SEC14L1: variants seen among roughly 807,000 people sequenced by gnomAD.
SEC14L1 encodes the protein SEC14-like protein 1.
Under a neutral mutation model 85.3 loss-of-function variants are expected in SEC14L1, and 48 were observed. The ratio of observed to expected loss-of-function variants is 0.56; its 90% CI spans 0.45 to 0.72. The LOEUF (loss-of-function observed/expected upper bound fraction) is 0.72. Among genes scored for constraint, SEC14L1 ranks in the 30% least tolerant of loss-of-function variants. The pLI, the probability that SEC14L1 is intolerant of heterozygous loss-of-function variation, is 0.00. For missense variants in SEC14L1, 682 were observed against 921.4 expected, an observed-to-expected ratio of 0.74 and a Z score of 3.36; for synonymous variants, 391 against 355.5, an observed-to-expected ratio of 1.10 and a Z score of -1.12.
Position 77,206,428 on chromosome 17 carries a change from T to C in SEC14L1, c.1341+28T>C, listed in dbSNP as rs142575724. 9.7e-5 allele frequency: 156 copies of C among 1,601,496 alleles called. No homozygotes were observed. The East Asian group carries it at 3.4e-3, about 35-fold the overall frequency. ...GGGTTGAGATGCTTTTTGCAGTAAC[T>C]GTGAGCCATTTGGAAAGCAGATAAC... On this transcript the variant is annotated intron_variant, in intron 12 of 16. Coordinates refer to ENST00000436233, the MANE Select transcript of SEC14L1 (RefSeq NM_001143998.2). The surrounding 1 kb of genome is among the most constrained non-coding windows in gnomAD (Gnocchi z 4.3).
At chr17:77,132,851 CT>C (rs10711985) in intron 3 of SEC14L1, among the ~76,000 whole-genome samples, 84,095 of 145,610 alleles carry the variant, frequency 0.58, 24,310 homozygotes, top group Middle Eastern at 0.67. Context: ...CCCAATCCTC[CT>C]TTTTTTTTTT....
At chr17:77,116,161 C>T (rs1972168276) in intron 3 of SEC14L1, among the ~76,000 whole-genome samples, 1 of 152,126 alleles carries the variant, frequency 6.6e-6, no homozygotes, top group Non-Finnish European at 1.5e-5. Context: ...CTCAAGCATT[C>T]CTCCTGCCTC....
At chr17:77,208,916 A>C (rs143884134) in intron 13 of SEC14L1, among the ~76,000 whole-genome samples, 1 of 152,370 alleles carries the variant, frequency 6.6e-6, no homozygotes, top group East Asian at 1.9e-4. Flanking sequence ...GACAGAAAAC[A>C]TTATTCATTG....
At chr17:77,203,474 A>G (rs1976286770) in intron 9 of SEC14L1, 96 bp from the exon 10 acceptor site, 1 of 1,068,716 alleles carries the variant, frequency 9.4e-7, no homozygotes, top group Non-Finnish European at 1.4e-6. Flanking sequence ...CCCCTAGAAC[A>G]CAGGCGAACA....
intron 3 of SEC14L1, among the ~76,000 whole-genome samples, chr17:77,161,000 A>ATC (rs1974030762): frequency 6.6e-6 from 1 of 152,234 alleles, no homozygotes; most frequent in Non-Finnish European, 1.5e-5. Flanking sequence ...GTAGTGAGTC[A>ATC]TCAGACAGCT....
At chr17:77,208,253 G>A (rs1180556328) in intron 13 of SEC14L1, among the ~76,000 whole-genome samples, 1 of 152,188 alleles carries the variant, frequency 6.6e-6, no homozygotes, top group East Asian at 1.9e-4. Context: ...CAAAGAGCAA[G>A]TAAGTTACAG....
rs761831800 is a variant in SEC14L1 at position 77,204,406 on chromosome 17, G to A, written c.1098+748G>A. On this transcript the variant is annotated intron_variant, in intron 10 of 16. Transcript: ENST00000436233. ...CTAATTTTTTCATATTTTTACTAGA[G>A]ACGGGGTTTCACCATGTTGGTCAGG... Among the ~76,000 whole-genome samples the A allele has an allele frequency of 2.6e-5, 4 of 151,278 alleles. No individual in the cohort carries two copies. The East Asian group carries it at 7.8e-4, about 29-fold the overall frequency.
Position 77,211,994 on chromosome 17 carries a change from T to C in SEC14L1, c.1656T>C (p.Asp552=). Residue 552 remains aspartate (D), a synonymous_variant, in exon 15 of 17, where the codon GAT becomes GAC. Transcript: ENST00000436233. ...ATGCCTCGTCAGTCATCACTTGGGATTTCGACGTGTGCAAAGGGGACATTG... is the reference window on the plus strand; with the variant it reads ...ATGCCTCGTCAGTCATCACTTGGGACTTCGACGTGTGCAAAGGGGACATTG... ...IVDASSVITW[D]FDVCKGDIVF... is the part of the protein sequence containing the mutation. 1 of 1,614,106 alleles carries C rather than the reference T, an allele frequency of 6.2e-7. No homozygotes were observed. The highest frequency in any genetic ancestry group is 8.5e-7 in the Non-Finnish European group (1 of 1,180,024).
upstream of SEC14L1, among the ~76,000 whole-genome samples, chr17:77,136,489 C>A (rs894983569): frequency 6.6e-6 from 1 of 152,104 alleles, no homozygotes; most frequent in Non-Finnish European, 1.5e-5. Context: ...ATTATACATC[C>A]TTTGCTTCTT....
intron 3 of SEC14L1, among the ~76,000 whole-genome samples, chr17:77,161,735 T>TC (rs1974064104): frequency 6.8e-6 from 1 of 147,490 alleles, no homozygotes; most frequent in Admixed American, 6.8e-5. Context: ...TTTTTTTTTT[T>TC]TAAACAACCA....
chr17:77,214,888 C>G lies in SEC14L1; in HGVS notation c.*865C>G. The stretch of plus-strand genomic sequence containing the variant: ...TCTGGTGGCTCATTGTCCTCAGAGC[C>G]CAGACAGTTCCAGCCACTAGGAGGC... On this transcript the variant is annotated 3_prime_UTR_variant, in exon 17 of 17. Coordinates refer to ENST00000436233, the MANE Select transcript of SEC14L1 (RefSeq NM_001143998.2). 1.0e-6 allele frequency: 1 copy of G among 985,418 alleles called. No homozygotes were observed. The highest frequency in any genetic ancestry group is 1.7e-5 in the African/African-American group (1 of 57,334). The allele number at this position is 985,418 out of a possible 1,614,324, so 61.0% of individuals were successfully genotyped here. A position where few individuals can be genotyped will look rare whatever the true frequency, so the allele number is the denominator to read the frequency against.
exon 2 of SEC14L1, chr17:77,089,178 C>G (rs2247814): frequency 0.53 from 175,366 of 329,448 alleles, 48,458 homozygotes; most frequent in African/African-American, 0.74. Context: ...GAGAAATATC[C>G]CCCGACGATT....
intron 3 of SEC14L1, among the ~76,000 whole-genome samples, chr17:77,123,962 CTG>C (rs1225383983): frequency 2.0e-5 from 3 of 152,190 alleles, no homozygotes; most frequent in African/African-American, 7.2e-5. Flanking sequence ...ATTATGCTTG[CTG>C]TGTTTCGAAG....
rs1311245849 is a variant in SEC14L1, at chr17:77,154,640, TTTTTTTGG to T, written c.63+10988_63+10995del. Among the ~76,000 whole-genome samples the T allele has an allele frequency of 2.0e-5, 3 of 151,154 alleles. No individual in the cohort carries two copies. The South Asian group carries it at 6.3e-4, about 32-fold the overall frequency. On this transcript the variant is annotated intron_variant, in intron 3 of 16. Transcript: ENST00000436233. ...CTGGCCCCTTCTGGTTTTTTTTGTT[TTTTTTTGG>T]TTTTTTTTTAAGAAAAGTCTGTCTC...
intron 15 of SEC14L1, 131 bp downstream of exon 15, chr17:77,212,332 C>A: frequency 1.5e-6 from 2 of 1,334,284 alleles, no homozygotes; most frequent in Non-Finnish European, 2.0e-6. Flanking sequence ...TGTGGAGGAG[C>A]AGCTTGCCTG....
intron 3 of SEC14L1, among the ~76,000 whole-genome samples, chr17:77,126,628 T>C (rs754669839): frequency 7.2e-5 from 11 of 152,308 alleles, no homozygotes; most frequent in African/African-American, 2.6e-4. Context: ...GAGTGTGCCA[T>C]GTGAGCCAGG....
At position 77,209,337 on chromosome 17, in the gene SEC14L1, T is replaced by C; in HGVS notation, c.1477-5T>C. ...CAGGTTTCACTGCTGTGTTTCTTCT[T>C]CCAGTGCGAAGTGCCAGAGGGTGGA... On this transcript the variant is annotated splice_region_variant and splice_polypyrimidine_tract_variant and intron_variant, in intron 13 of 16. Coordinates refer to ENST00000436233, the MANE Select transcript of SEC14L1 (RefSeq NM_001143998.2). 1 of 1,614,032 alleles carries C rather than the reference T, an allele frequency of 6.2e-7. No homozygotes were observed.
chr17:77,192,268 G>A (rs1429219437), intron 5 of SEC14L1, among the ~76,000 whole-genome samples: 2 of 152,164 alleles, frequency 1.3e-5, no homozygotes, highest in Non-Finnish European at 2.9e-5. Context: ...CAGATTTTTA[G>A]AATACTCTCC....
intron 3 of SEC14L1, among the ~76,000 whole-genome samples, chr17:77,106,336 A>G (rs1971914257): frequency 6.6e-6 from 1 of 152,202 alleles, no homozygotes. Context: ...GTTTGAGACC[A>G]GCCTGGCCAA....
Sources: allele counts gnomAD v4.1 joint callset (sites outside exome capture counted in the v4.1 genomes callset), GRCh38; gene constraint gnomAD v4.1.1; non-coding constraint Gnocchi (gnomAD v3.1); transcripts MANE v1.5; gene names NCBI Gene and HGNC (gene_info 2026-07-23, HGNC 2026-07-21).